The following EYS variants were observed in gnomAD, a reference collection of about 807,000 sequenced individuals.
EYS encodes protein eyes shut homolog.
EYS carries 250 observed loss-of-function variants against 282.1 expected under a neutral mutation model. That is an observed-to-expected ratio of 0.89 (90% CI 0.80 to 0.98). EYS has a LOEUF of 0.98. Among genes scored for constraint, EYS ranks in the 50% least tolerant of loss-of-function variants. The pLI is 0.00. For synonymous variants in EYS, 1,355 were observed against 1,282.9 expected, an observed-to-expected ratio of 1.06 and a Z score of -1.20; for missense variants, 4,016 against 3,709.0, an observed-to-expected ratio of 1.08 and a Z score of -2.15.
chr6:64,315,657 A>G (rs569713586), intron 29 of EYS, among the ~76,000 whole-genome samples: 9 of 149,622 alleles, frequency 6.0e-5, no homozygotes, highest in African/African-American at 2.2e-4. Context: ...AGCTGGTACC[A>G]TTCCTTCTGA....
rs563949109 is a variant in EYS at position 65,064,953 on chromosome 6, C to T, written c.2024-7226G>A. Reference sequence around the variant, plus strand: ...GGTGAGTCTCACAGAAAGGCTGATCCTTAATTTTAATGTTCACCTCTAGAG... The same window carrying T: ...GGTGAGTCTCACAGAAAGGCTGATCTTTAATTTTAATGTTCACCTCTAGAG... On this transcript the variant is annotated intron_variant, in intron 12 of 42. Transcript: ENST00000503581. Among the ~76,000 whole-genome samples the T allele has an allele frequency of 5.3e-5, 8 of 152,190 alleles. No homozygotes were observed. The South Asian group carries it at 1.7e-3, about 32-fold the overall frequency.
intron 22 of EYS, among the ~76,000 whole-genome samples, chr6:64,725,072 G>T (rs770195610): frequency 1.3e-4 from 20 of 152,110 alleles, no homozygotes; most frequent in Non-Finnish European, 2.5e-4. Context: ...AGTAAAAGAA[G>T]AGATAACACA....
chr6:65,371,733 C>CTGTGTG (rs1562129810), intron 8 of EYS, among the ~76,000 whole-genome samples: 5 of 50,674 alleles, frequency 9.9e-5, no homozygotes, highest in African/African-American at 2.6e-4. Flanking sequence ...CTCTCTCTCT[C>CTGTGTG]TCTCTCTCTG....
chr6:64,374,829 T>C (rs182335224), intron 29 of EYS, among the ~76,000 whole-genome samples: 17 of 152,222 alleles, frequency 1.1e-4, no homozygotes, highest in Admixed American at 9.2e-4. Context: ...ATGGAGAGAA[T>C]GAGAGAGACA....
At chr6:64,435,185 G>T (rs557398438) in intron 28 of EYS, among the ~76,000 whole-genome samples, 1 of 151,962 alleles carries the variant, frequency 6.6e-6, no homozygotes, top group African/African-American at 2.4e-5. Flanking sequence ...AAAGAAAAAA[G>T]ATGATTTATT....
chr6:63,826,774 CA>C (rs1388866748), intron 36 of EYS, among the ~76,000 whole-genome samples: 1 of 130,190 alleles, frequency 7.7e-6, no homozygotes, highest in African/African-American at 2.9e-5. Flanking sequence ...ATCCTGTAAA[CA>C]CATCAAAACA....
intron 2 of EYS, among the ~76,000 whole-genome samples, chr6:65,623,443 T>C (rs1766592007): frequency 6.6e-6 from 1 of 152,226 alleles, no homozygotes. Context: ...CAGCTCAAAA[T>C]AATTTGGGTA....
chr6:64,243,666 G>A (rs1354420926), intron 30 of EYS, among the ~76,000 whole-genome samples: 1 of 152,188 alleles, frequency 6.6e-6, no homozygotes, highest in Admixed American at 6.5e-5. Flanking sequence ...AGAAAAAAGA[G>A]TTGGTGGATC....
At chr6:64,843,354 G>GTGACAATGTATTTTCCTTTGAATCT in intron 19 of EYS, among the ~76,000 whole-genome samples, 1 of 152,122 alleles carries the variant, frequency 6.6e-6, no homozygotes, top group Admixed American at 6.6e-5. Context: ...CAGTAGACCT[G>GTGACAATGTATTTTCCTTTGAATCT]GAAAAGCCTC....
chr6:64,459,387 A>G (rs1346055003), intron 26 of EYS, among the ~76,000 whole-genome samples: 2 of 152,204 alleles, frequency 1.3e-5, no homozygotes, highest in East Asian at 3.9e-4. Context: ...TAAACCTTTC[A>G]TCTCTTGTAT....
intron 2 of EYS, among the ~76,000 whole-genome samples, chr6:65,556,085 T>C (rs1427164913): frequency 6.6e-6 from 1 of 152,176 alleles, no homozygotes; most frequent in Non-Finnish European, 1.5e-5. Flanking sequence ...GTTGCCCTCA[T>C]TTTTCTTTCA....
intron 26 of EYS, among the ~76,000 whole-genome samples, chr6:64,542,809 A>G (rs1264689645): frequency 6.6e-6 from 1 of 152,132 alleles, no homozygotes; most frequent in Non-Finnish European, 1.5e-5. Flanking sequence ...GAGGCATATG[A>G]TAATAAGGAC....
At chr6:64,436,904 T>C (rs547257942) in intron 27 of EYS, among the ~76,000 whole-genome samples, 104 of 151,786 alleles carry the variant, frequency 6.9e-4, no homozygotes, top group Non-Finnish European at 1.2e-3. Flanking sequence ...TGGATTATAT[T>C]GTGTCTATTC....
At chr6:65,344,693 A>G (rs1429375166) in intron 9 of EYS, among the ~76,000 whole-genome samples, 1 of 151,648 alleles carries the variant, frequency 6.6e-6, no homozygotes, top group African/African-American at 2.4e-5. Flanking sequence ...GATGAATAAA[A>G]TAGATAATTA....
chr6:65,229,016 T>C (rs567620789), intron 12 of EYS, among the ~76,000 whole-genome samples: 1 of 152,022 alleles, frequency 6.6e-6, no homozygotes, highest in South Asian at 2.1e-4. Flanking sequence ...TAAGACAAAA[T>C]GGATTATAGA....
intron 18 of EYS, among the ~76,000 whole-genome samples, chr6:64,890,702 T>C (rs1767263995): frequency 1.3e-5 from 2 of 152,172 alleles, no homozygotes; most frequent in South Asian, 4.1e-4. Flanking sequence ...ATCTCAAATA[T>C]GTACCTTACG....
At chr6:64,740,722 T>C (rs1772340743) in intron 22 of EYS, among the ~76,000 whole-genome samples, 1 of 151,584 alleles carries the variant, frequency 6.6e-6, no homozygotes, top group African/African-American at 2.4e-5. Flanking sequence ...CCACTTTTTT[T>C]TTTTTTTTTT....
intron 24 of EYS, among the ~76,000 whole-genome samples, chr6:64,600,895 T>C (rs1766741064): frequency 6.6e-6 from 1 of 152,104 alleles, no homozygotes; most frequent in Non-Finnish European, 1.5e-5. Context: ...CTTTTCATTC[T>C]TTCCTCAAGC....
At chr6:65,292,110 C>A (rs1582107741) in intron 12 of EYS, among the ~76,000 whole-genome samples, 1 of 151,668 alleles carries the variant, frequency 6.6e-6, no homozygotes, top group East Asian at 1.9e-4. Context: ...ACTACAATAT[C>A]ATGGCGAATT....
Sources: allele counts gnomAD v4.1 joint callset (sites outside exome capture counted in the v4.1 genomes callset), GRCh38; gene constraint gnomAD v4.1.1; transcripts MANE v1.5; gene names NCBI Gene and HGNC (gene_info 2026-07-23, HGNC 2026-07-21).